ETFDH: variants seen among roughly 807,000 people sequenced by gnomAD.
The protein encoded by ETFDH is electron transfer flavoprotein-ubiquinone oxidoreductase, mitochondrial.
In ETFDH, 61 loss-of-function variants were observed where a neutral mutation model predicts 73.2. The observed-to-expected ratio is 0.83, with a 90% CI of 0.68 to 1.03. The LOEUF (loss-of-function observed/expected upper bound fraction) is 1.03. ETFDH is among the 50% of genes least tolerant of loss of function. The probability of loss-of-function intolerance (pLI) is 0.00; values close to 1 mark genes in which losing one functional copy is unlikely to be tolerated. For synonymous variants in ETFDH, 243 were observed against 253.3 expected, an observed-to-expected ratio of 0.96 and a Z score of 0.39; for missense variants, 685 against 745.0, an observed-to-expected ratio of 0.92 and a Z score of 0.94.
intron 6 of ETFDH, among the ~76,000 whole-genome samples, chr4:158,691,943 G>A (rs1423619037): frequency 6.6e-6 from 1 of 152,116 alleles, no homozygotes; most frequent in Non-Finnish European, 1.5e-5. Flanking sequence ...GAGATCCTGG[G>A]GTTATTCTAG....
At chr4:158,679,128 A>G (rs967905358) in intron 1 of ETFDH, among the ~76,000 whole-genome samples, 1 of 152,140 alleles carries the variant, frequency 6.6e-6, no homozygotes, top group African/African-American at 2.4e-5. Flanking sequence ...ATTATATACC[A>G]TATACCTATG....
At chr4:158,677,469 C>T (rs1017288235) in intron 1 of ETFDH, among the ~76,000 whole-genome samples, 4 of 152,182 alleles carry the variant, frequency 2.6e-5, no homozygotes, top group African/African-American at 9.7e-5. Context: ...AGGTATCAGA[C>T]TCTTAGTTAA....
At chr4:158,707,370 A>G (rs17843975) in intron 12 of ETFDH, among the ~76,000 whole-genome samples, 4,279 of 152,342 alleles carry the variant, frequency 0.028, 79 homozygotes, top group Admixed American at 0.039. Context: ...AAGAAGATAC[A>G]CTGTGACTTG....
intron 6 of ETFDH, among the ~76,000 whole-genome samples, chr4:158,691,152 A>T (rs1774155284): frequency 6.6e-6 from 1 of 152,254 alleles, no homozygotes. Flanking sequence ...CAGTGCAAGG[A>T]GAATTCAAAC....
intron 10 of ETFDH, among the ~76,000 whole-genome samples, chr4:158,705,118 G>A (rs1774572831): frequency 6.6e-6 from 1 of 152,170 alleles, no homozygotes; most frequent in South Asian, 2.1e-4. Context: ...GTAGTCATGT[G>A]GAGTCCACCA....
intron 10 of ETFDH, among the ~76,000 whole-genome samples, chr4:158,705,710 G>A (rs1774591632): frequency 6.6e-6 from 1 of 152,158 alleles, no homozygotes; most frequent in African/African-American, 2.4e-5. Flanking sequence ...ATATCTAATG[G>A]TTGTCTTTTT....
chr4:158,684,677 A>T lies in ETFDH; in HGVS notation c.487+4A>T. ...ATTCCTGTGCCAATTCTTCCAGGTA[A>T]GGTATAGTGAATATGCATAGAACTA... On this transcript the variant is annotated splice_donor_region_variant and intron_variant, in intron 4 of 12. Coordinates refer to ENST00000511912, the MANE Select transcript of ETFDH (RefSeq NM_004453.4). 1 of 1,452,026 alleles carries T rather than the reference A, an allele frequency of 6.9e-7. No homozygotes were observed. 89.9% of individuals were successfully genotyped at this position (1,452,026 alleles called of 1,614,324 possible).
At chr4:158,674,094 G>A (rs531632047) in intron 1 of ETFDH, among the ~76,000 whole-genome samples, 2 of 152,158 alleles carry the variant, frequency 1.3e-5, no homozygotes, top group African/African-American at 2.4e-5. Context: ...TTTGTCATAT[G>A]TCAGTCATCA....
chr4:158,694,832 A>G (rs1774267985), intron 6 of ETFDH, among the ~76,000 whole-genome samples: 1 of 152,166 alleles, frequency 6.6e-6, no homozygotes, highest in Non-Finnish European at 1.5e-5. Flanking sequence ...CTGGGAATCT[A>G]TCTTATAGGA....
At chr4:158,702,222 A>G (rs1251031697) in intron 9 of ETFDH, among the ~76,000 whole-genome samples, 2 of 152,188 alleles carry the variant, frequency 1.3e-5, no homozygotes, top group African/African-American at 4.8e-5. Flanking sequence ...AGAGGATACA[A>G]TGTGATATTT....
chr4:158,707,716 G>A (rs1321288576), intron 12 of ETFDH, among the ~76,000 whole-genome samples: 5 of 152,078 alleles, frequency 3.3e-5, no homozygotes, highest in African/African-American at 4.8e-5. Flanking sequence ...TCCCCACAAC[G>A]CAAGAGTAGT....
intron 2 of ETFDH, 192 bp from the exon 3 acceptor site, chr4:158,682,003 G>A (rs953372313): frequency 3.1e-6 from 2 of 655,262 alleles, no homozygotes; most frequent in Non-Finnish European, 5.0e-6. Context: ...CTGAAATAAA[G>A]TATGTACTGG....
chr4:158,678,456 TAC>T (rs1773765306), intron 1 of ETFDH, among the ~76,000 whole-genome samples: 1 of 152,184 alleles, frequency 6.6e-6, no homozygotes, highest in Admixed American at 6.5e-5. Context: ...ATATCAGGGA[TAC>T]ATGGTATCAA....
rs1696348290 is a variant in ETFDH at position 158,701,055 on chromosome 4, C to G, written c.1116+1925C>G. ...TCTTCCCCTAGTAGGTTTCTAATTA[C>G]TTGTAGCCCTAGTTTAATGAATGTC... On this transcript the variant is annotated intron_variant, in intron 9 of 12. Transcript: ENST00000511912. 3 of 152,314 alleles carry G rather than the reference C, an allele frequency of 2.0e-5. 1 individual carries two copies. In the South Asian group the frequency reaches 6.2e-4, roughly 32 times the overall value. 9.4% of individuals were successfully genotyped at this position (152,314 alleles called of 1,614,324 possible).
At chr4:158,674,821 A>T (rs555731399) in intron 1 of ETFDH, among the ~76,000 whole-genome samples, 1 of 152,356 alleles carries the variant, frequency 6.6e-6, no homozygotes, top group East Asian at 1.9e-4. Flanking sequence ...CTTTTGGAGC[A>T]TGCTATCTGC....
At chr4:158,688,390 C>CA (rs34614893) in intron 5 of ETFDH, among the ~76,000 whole-genome samples, 288 of 100,086 alleles carry the variant, frequency 2.9e-3, no homozygotes, top group African/African-American at 0.01. Flanking sequence ...GACTCTGTCT[C>CA]AAAAAAAAAA....
intron 8 of ETFDH, 36 bp downstream of exon 8, chr4:158,697,735 TAG>T: frequency 6.4e-7 from 1 of 1,570,216 alleles, no homozygotes. Context: ...ATTCTGCTGC[TAG>T]AGTTATATTA....
At chr4:158,675,578 A>G (rs1773691203) in intron 1 of ETFDH, among the ~76,000 whole-genome samples, 1 of 152,062 alleles carries the variant, frequency 6.6e-6, no homozygotes, top group African/African-American at 2.4e-5. Context: ...ATCAGCTTAC[A>G]CAACCCAGTG....
At chr4:158,677,229 G>T (rs2150302838) in intron 1 of ETFDH, among the ~76,000 whole-genome samples, 1 of 152,314 alleles carries the variant, frequency 6.6e-6, no homozygotes, top group East Asian at 1.9e-4. Flanking sequence ...ACAGCCTCAG[G>T]AGGTCCTGAG....
Sources: gnomAD v4.1 joint callset for allele counts (sites outside exome capture counted in the v4.1 genomes callset) on GRCh38, gnomAD v4.1.1 for gene constraint, MANE v1.5 for transcripts, NCBI Gene and HGNC (gene_info 2026-07-23, HGNC 2026-07-21) for gene names.